The following SHQ1 variants were observed in gnomAD, a reference collection of about 807,000 sequenced individuals.
SHQ1 encodes the protein SHQ1, H/ACA ribonucleoprotein assembly factor, also known as protein SHQ1 homolog.
A neutral mutation model predicts 53.8 loss-of-function variants in SHQ1; 49 were observed. That is an observed-to-expected ratio of 0.91 (90% confidence interval 0.72 to 1.16). SHQ1 has a LOEUF of 1.16. SHQ1 is among the 50% of genes most tolerant of loss of function. The pLI is 0.00. For missense variants in SHQ1, 738 were observed against 683.1 expected (o/e 1.08, Z -0.90); for synonymous variants, 243 against 251.0 (o/e 0.97, Z 0.30).
intron 10 of SHQ1, among the ~76,000 whole-genome samples, chr3:72,786,730 G>A (rs1424165615): frequency 3.3e-5 from 5 of 152,032 alleles, no homozygotes; most frequent in African/African-American, 9.7e-5. Context: ...TCACAACGAC[G>A]TGTCTCTCTT....
chr3:72,808,833 C>T (rs1430407635), intron 9 of SHQ1, among the ~76,000 whole-genome samples: 1 of 151,906 alleles, frequency 6.6e-6, no homozygotes. Context: ...ATCAAGTATC[C>T]CTTTATTTTA....
chr3:72,785,188 T>C (rs1300764639), intron 10 of SHQ1, among the ~76,000 whole-genome samples: 1 of 152,186 alleles, frequency 6.6e-6, no homozygotes, highest in Non-Finnish European at 1.5e-5. Context: ...TGCAAGACCA[T>C]ATGCAAGAGC....
chr3:72,812,699 G>C lies in SHQ1; in HGVS notation c.1032C>G (p.Tyr344Ter). The change falls in exon 9 of 11, where the codon TAC becomes TAG. Residue 344 changes from tyrosine (Y) to a stop codon, truncating the protein, a stop_gained. Transcript: ENST00000325599. LOFTEE classifies it high-confidence loss of function. Reference sequence around the variant, plus strand: ...GTTGCAATATCTTTATAGTGTCCCTGTAGGCCTTCATCACCAGCTTGAAAT... The same window carrying C: ...GTTGCAATATCTTTATAGTGTCCCTCTAGGCCTTCATCACCAGCTTGAAAT... ...YRHFKLVMKA[Y>*]RDTIKILQLG... is the part of the protein sequence containing the mutation. The C allele has an allele frequency of 6.2e-7, 1 of 1,614,044 alleles. No individual in the cohort carries two copies. Among genetic ancestry groups the C allele is most frequent in the Non-Finnish European group, 8.5e-7 (1 of 1,180,002 alleles).
chr3:72,827,007 G>A (rs1040017323), intron 5 of SHQ1, among the ~76,000 whole-genome samples: 2 of 152,178 alleles, frequency 1.3e-5, no homozygotes, highest in African/African-American at 4.8e-5. Context: ...CATAATGGTG[G>A]CCTAGGATAA....
At chr3:72,833,806 A>G (rs1707911688) in intron 4 of SHQ1, among the ~76,000 whole-genome samples, 1 of 152,256 alleles carries the variant, frequency 6.6e-6, no homozygotes, top group South Asian at 2.1e-4. Context: ...GAAACCTTAT[A>G]CAATGTGAAA....
chr3:72,735,750 A>AGGC, the SHQ1 span, among the ~76,000 whole-genome samples: 133 of 122,610 alleles, frequency 1.1e-3, no homozygotes, highest in African/African-American at 4.1e-3. Flanking sequence ...GGAAGGAAGG[A>AGGC]AGGCAGGCAG....
chr3:72,751,508 G>GTGTGTATATATATATATATATA (rs1210782182), intron 10 of SHQ1, among the ~76,000 whole-genome samples: 2 of 116,984 alleles, frequency 1.7e-5, no homozygotes, highest in African/African-American at 8.9e-5. Context: ...GTGTGTGTGT[G>GTGTGTATATATATATATATATA]TATATATATA....
At chr3:72,737,592 A>G in the SHQ1 span, among the ~76,000 whole-genome samples, 1 of 152,226 alleles carries the variant, frequency 6.6e-6, no homozygotes, top group Non-Finnish European at 1.5e-5. Context: ...ATTGGCATAG[A>G]AGTTGCATAT....
At position 72,773,147 on chromosome 3, in the gene SHQ1, T is replaced by C. The variant is rs1305770108; in HGVS notation, c.1181+19769A>G. 4.0e-6 allele frequency: 3 copies of C among 750,158 alleles called. No homozygotes were observed. In the African/African-American group the frequency reaches 5.2e-5, roughly 13 times the overall value. 46.5% of individuals were successfully genotyped at this position (750,158 alleles called of 1,614,324 possible). On this transcript the variant is annotated intron_variant, in intron 10 of 10. Coordinates refer to ENST00000325599, the MANE Select transcript of SHQ1 (RefSeq NM_018130.3). ...AAAGTCATGAAGTTTCAGGATGAGT[T>C]GGAATTTTGGAAAAAGACATAAAAA...
At chr3:72,812,239 T>C (rs1201023678) in intron 9 of SHQ1, among the ~76,000 whole-genome samples, 1 of 152,210 alleles carries the variant, frequency 6.6e-6, no homozygotes, top group South Asian at 2.1e-4. Context: ...CAGAGTACTT[T>C]TCACTCTCTT....
At chr3:72,794,364 A>C (rs1456831483) in intron 9 of SHQ1, 3 of 152,344 alleles carry the variant, frequency 2.0e-5, no homozygotes, top group Non-Finnish European at 2.9e-5. Flanking sequence ...GTTAATCCCC[A>C]ATACCTAGAA....
intron 10 of SHQ1, among the ~76,000 whole-genome samples, chr3:72,788,471 C>T (rs1318373215): frequency 6.6e-6 from 1 of 151,180 alleles, no homozygotes; most frequent in Non-Finnish European, 1.5e-5. Context: ...GGAGCGTCTC[C>T]GCCCGGCAGC....
chr3:72,844,093 T>A (rs1708257537), intron 2 of SHQ1, among the ~76,000 whole-genome samples: 1 of 152,236 alleles, frequency 6.6e-6, no homozygotes, highest in Non-Finnish European at 1.5e-5. Flanking sequence ...CTTTTAAATG[T>A]CTACTAAATG....
chr3:72,841,150 CCAAT>C lies in SHQ1; in HGVS notation c.377_380del (p.Asp126GlyfsTer16). 1 of 1,613,716 alleles carries C rather than the reference CCAAT, an allele frequency of 6.2e-7. No individual in the cohort carries two copies. Among genetic ancestry groups the C allele is most frequent in the Non-Finnish European group, 8.5e-7 (1 of 1,179,850 alleles). The stretch of plus-strand genomic sequence containing the variant: ...CTTCACAGGGTGTCTGCTCAATTTC[CCAAT>C]CAAACTCTTCATCGTCAACTACTTC... On this transcript the variant is annotated frameshift_variant, in exon 4 of 11. Transcript: ENST00000325599. LOFTEE classifies it high-confidence loss of function.
At chr3:72,764,324 T>G (rs1705671829) in intron 10 of SHQ1, among the ~76,000 whole-genome samples, 4 of 152,094 alleles carry the variant, frequency 2.6e-5, no homozygotes. Flanking sequence ...CTAGATTATT[T>G]GCATGAGCCA....
chr3:72,824,719 A>G (rs963911267), intron 5 of SHQ1, among the ~76,000 whole-genome samples, 168 bp from the exon 6 acceptor site: 2 of 152,200 alleles, frequency 1.3e-5, no homozygotes, highest in African/African-American at 2.4e-5. Flanking sequence ...ACTAACCACA[A>G]ACATAAGTTA....
chr3:72,824,641 A>G, intron 5 of SHQ1, 90 bp from the exon 6 acceptor site: 7 of 1,418,408 alleles, frequency 4.9e-6, no homozygotes, highest in Non-Finnish European at 6.6e-6. Context: ...TTGTACTAGA[A>G]ATACAGATTT....
At chr3:72,762,422 TCA>T (rs1705630615) in intron 10 of SHQ1, among the ~76,000 whole-genome samples, 2 of 152,194 alleles carry the variant, frequency 1.3e-5, no homozygotes, top group African/African-American at 4.8e-5. Context: ...CAGATCAAAT[TCA>T]CAGAGATGGA....
chr3:72,810,726 C>T (rs1390630535), intron 9 of SHQ1, among the ~76,000 whole-genome samples: 1 of 152,150 alleles, frequency 6.6e-6, no homozygotes, highest in Non-Finnish European at 1.5e-5. Flanking sequence ...ATGGCATCCC[C>T]GTGCCATCCA....
Sources: allele counts gnomAD v4.1 joint callset (sites outside exome capture counted in the v4.1 genomes callset), GRCh38; gene constraint gnomAD v4.1.1; transcripts MANE v1.5; gene names NCBI Gene and HGNC (gene_info 2026-07-23, HGNC 2026-07-21).